FHIT: variants seen among roughly 807,000 people sequenced by gnomAD.
The protein encoded by FHIT is bis(5'-adenosyl)-triphosphatase.
FHIT carries 19 observed loss-of-function variants against 17.9 expected under a neutral mutation model. The observed-to-expected ratio is 1.06, with a 90% CI of 0.74 to 1.56. The LOEUF is 1.56. FHIT is among the 40% of genes most tolerant of loss of function. The probability of loss-of-function intolerance (pLI) is 0.00; values close to 1 mark genes in which losing one functional copy is unlikely to be tolerated. For synonymous variants in FHIT, 81 were observed against 69.7 expected, an observed-to-expected ratio of 1.16 and a Z score of -0.81; for missense variants, 248 against 189.2, an observed-to-expected ratio of 1.31 and a Z score of -1.82.
chr3:60,572,090 A>G (rs1242517007), intron 4 of FHIT, among the ~76,000 whole-genome samples: 2 of 152,106 alleles, frequency 1.3e-5, no homozygotes, highest in East Asian at 3.9e-4. Flanking sequence ...ATAGATTCTA[A>G]ATTATGGTCA....
intron 3 of FHIT, among the ~76,000 whole-genome samples, chr3:60,865,563 T>C (rs1704118295): frequency 6.6e-6 from 1 of 152,190 alleles, no homozygotes; most frequent in Admixed American, 6.6e-5. Flanking sequence ...CGTTTGTATG[T>C]ATTTCATTCC....
intron 5 of FHIT, among the ~76,000 whole-genome samples, chr3:60,336,191 T>A (rs1451642064): frequency 1.3e-5 from 2 of 152,208 alleles, no homozygotes; most frequent in African/African-American, 4.8e-5. Context: ...CGAACCAAGT[T>A]GGGGCTGCTT....
At chr3:61,078,954 T>C (rs964104725) in intron 2 of FHIT, among the ~76,000 whole-genome samples, 1 of 152,144 alleles carries the variant, frequency 6.6e-6, no homozygotes, top group African/African-American at 2.4e-5. Flanking sequence ...TTCTTCTATG[T>C]CCTTTTTCCA....
chr3:60,972,053 A>T (rs1327627140), intron 3 of FHIT, among the ~76,000 whole-genome samples: 1 of 152,236 alleles, frequency 6.6e-6, no homozygotes, highest in Non-Finnish European at 1.5e-5. Context: ...CATCTGCTGC[A>T]GTTACTGTCA....
At chr3:61,229,252 G>A (rs2040041908) in intron 1 of FHIT, among the ~76,000 whole-genome samples, 1 of 152,220 alleles carries the variant, frequency 6.6e-6, no homozygotes, top group African/African-American at 2.4e-5. Flanking sequence ...GGCAGATGCA[G>A]ACAGACAGAA....
chr3:60,590,213 C>T (rs1195681281), intron 4 of FHIT, among the ~76,000 whole-genome samples: 7 of 152,130 alleles, frequency 4.6e-5, no homozygotes, highest in East Asian at 1.9e-4. Context: ...CTCTGTGGAA[C>T]GCTTCAGATC....
In FHIT at chr3:60,458,348, G is replaced by T. The variant is rs541182525; in HGVS notation, c.103+78512C>A. Among the ~76,000 whole-genome samples, 9 of 150,436 alleles carry T rather than the reference G, an allele frequency of 6.0e-5. No individual in the cohort carries two copies. The East Asian group carries it at 7.9e-4, about 13-fold the overall frequency. Reference sequence around the variant, plus strand: ...TGGCAAGGACAAAAAACCAAACACCGCATGTTCTCACTCATAGGTGGGAAT... The same window carrying T: ...TGGCAAGGACAAAAAACCAAACACCTCATGTTCTCACTCATAGGTGGGAAT... On this transcript the variant is annotated intron_variant, in intron 5 of 9. Transcript: ENST00000492590.
At chr3:59,940,116 G>T (rs960896758) in intron 7 of FHIT, among the ~76,000 whole-genome samples, 2 of 152,136 alleles carry the variant, frequency 1.3e-5, no homozygotes, top group Non-Finnish European at 2.9e-5. Flanking sequence ...CAGATTTCTT[G>T]TTTGTAAAAT....
chr3:60,532,886 G>A (rs569796132), intron 5 of FHIT, among the ~76,000 whole-genome samples: 2 of 152,136 alleles, frequency 1.3e-5, no homozygotes, highest in South Asian at 2.1e-4. Flanking sequence ...TGTTATAAGA[G>A]AGACAAGTTC....
intron 7 of FHIT, among the ~76,000 whole-genome samples, chr3:59,973,288 T>C (rs13064036): frequency 0.49 from 74,780 of 151,968 alleles, 19,694 homozygotes; most frequent in Middle Eastern, 0.62. Flanking sequence ...TCCTACCATA[T>C]TAAAAATAGA....
At chr3:60,988,601 C>T (rs1484510959) in intron 3 of FHIT, among the ~76,000 whole-genome samples, 1 of 151,988 alleles carries the variant, frequency 6.6e-6, no homozygotes, top group Non-Finnish European at 1.5e-5. Context: ...ACGAGCAGCA[C>T]AGAAGGGGAA....
intron 5 of FHIT, among the ~76,000 whole-genome samples, chr3:60,496,371 G>T (rs1222388832): frequency 6.6e-6 from 1 of 152,092 alleles, no homozygotes; most frequent in Non-Finnish European, 1.5e-5. Flanking sequence ...GACAAAAAGG[G>T]ACACCTGTTT....
At chr3:60,874,977 T>C (rs1296058926) in intron 3 of FHIT, among the ~76,000 whole-genome samples, 1 of 152,098 alleles carries the variant, frequency 6.6e-6, no homozygotes, top group Non-Finnish European at 1.5e-5. Flanking sequence ...ACATTGTGAG[T>C]CTATGAGAGA....
chr3:61,209,937 G>C (rs1302495553), intron 1 of FHIT, among the ~76,000 whole-genome samples: 3 of 152,144 alleles, frequency 2.0e-5, no homozygotes, highest in Non-Finnish European at 4.4e-5. Flanking sequence ...CCCCATCTTT[G>C]TGGTTTTATC....
chr3:61,016,245 A>G (rs2032099213), intron 3 of FHIT, among the ~76,000 whole-genome samples: 1 of 152,344 alleles, frequency 6.6e-6, no homozygotes, highest in South Asian at 2.1e-4. Flanking sequence ...AAGTGGAGGA[A>G]AAGGACAGTA....
chr3:60,333,718 A>G (rs1710103178), intron 5 of FHIT, among the ~76,000 whole-genome samples: 2 of 152,212 alleles, frequency 1.3e-5, no homozygotes, highest in Admixed American at 1.3e-4. Context: ...TTTAATAAAC[A>G]TAGAAATTGA....
chr3:60,256,172 T>C (rs1705981954), intron 5 of FHIT, among the ~76,000 whole-genome samples: 1 of 152,170 alleles, frequency 6.6e-6, no homozygotes, highest in Non-Finnish European at 1.5e-5. Flanking sequence ...TTCCCCATCG[T>C]GCCTATTCCC....
intron 5 of FHIT, among the ~76,000 whole-genome samples, chr3:60,485,147 G>C (rs1272542539): frequency 6.6e-6 from 1 of 152,254 alleles, no homozygotes; most frequent in East Asian, 1.9e-4. Context: ...GAAAAACCAA[G>C]AAACAACAGA....
intron 2 of FHIT, among the ~76,000 whole-genome samples, chr3:61,057,574 T>C (rs1376465811): frequency 6.6e-6 from 1 of 152,222 alleles, no homozygotes; most frequent in African/African-American, 2.4e-5. Flanking sequence ...TAACTTTTAT[T>C]ATTCTCTGAA....
Sources: allele counts gnomAD v4.1 joint callset (sites outside exome capture counted in the v4.1 genomes callset), GRCh38; gene constraint gnomAD v4.1.1; transcripts MANE v1.5; gene names NCBI Gene and HGNC (gene_info 2026-07-23, HGNC 2026-07-21).